Variants in FBLN5 observed in about 807,000 individuals in gnomAD.
FBLN5 encodes the protein fibulin 5, also known as fibulin-5.
Under a neutral mutation model 61.6 loss-of-function variants are expected in FBLN5, and 24 were observed. That is an observed-to-expected ratio of 0.39 (90% CI 0.28 to 0.55). FBLN5 has a LOEUF of 0.55. Among genes scored for constraint, FBLN5 ranks in the 20% least tolerant of loss-of-function variants. The pLI, the probability that FBLN5 is intolerant of heterozygous loss-of-function variation, is 0.65. For synonymous variants in FBLN5, 213 were observed against 219.8 expected (o/e 0.97, Z 0.27); for missense variants, 470 against 594.1 (o/e 0.79, Z 2.17).
chr14:91,943,892 G>A lies in FBLN5; in HGVS notation c.18-931C>T, dbSNP rs901020873. ...GCACAGCCCAGGGAAAATGAAACCCGCGGGAAAACAGGAGGAGGAGTCACG... is the reference window on the plus strand; with the variant it reads ...GCACAGCCCAGGGAAAATGAAACCCACGGGAAAACAGGAGGAGGAGTCACG... On this transcript the variant is annotated intron_variant, in intron 1 of 10. Transcript: ENST00000342058. This position sits in a 1 kb window ranked among gnomAD's most constrained non-coding sequence, Gnocchi z 4.0. Among the ~76,000 whole-genome samples, 9 of 152,154 alleles carry A rather than the reference G, an allele frequency of 5.9e-5. No individual in the cohort carries two copies. The highest frequency in any genetic ancestry group is 1.7e-4 in the African/African-American group (7 of 41,444).
chr14:91,919,731 C>G (rs557386927), intron 4 of FBLN5, among the ~76,000 whole-genome samples: 74 of 152,326 alleles, frequency 4.9e-4, no homozygotes, highest in African/African-American at 1.7e-3. Context: ...AGACACAGGG[C>G]CAGCTATAAG....
intron 7 of FBLN5, among the ~76,000 whole-genome samples, chr14:91,885,847 G>T (rs1037017491): frequency 6.6e-5 from 10 of 152,142 alleles, no homozygotes; most frequent in Non-Finnish European, 5.9e-5. Flanking sequence ...TAGTTCCTTG[G>T]CCCCAACTCC....
intron 4 of FBLN5, among the ~76,000 whole-genome samples, chr14:91,901,867 A>C (rs1890465694): frequency 6.6e-6 from 1 of 152,226 alleles, no homozygotes; most frequent in African/African-American, 2.4e-5. Context: ...TTTCCAAACA[A>C]CAAAATATCC....
intron 1 of FBLN5, chr14:91,946,685 T>G: frequency 6.6e-7 from 1 of 1,521,704 alleles, no homozygotes; most frequent in South Asian, 1.2e-5. Flanking sequence ...GCAATTTCCT[T>G]AAAGAATAGC....
intron 5 of FBLN5, 83 bp downstream of exon 5, chr14:91,894,865 GCA>G: frequency 9.2e-7 from 1 of 1,082,944 alleles, no homozygotes; most frequent in Non-Finnish European, 1.3e-6. Context: ...CTACCCTCAG[GCA>G]GCCAGCTATG....
chr14:91,933,935 C>A (rs2055969854), intron 4 of FBLN5, among the ~76,000 whole-genome samples: 1 of 152,036 alleles, frequency 6.6e-6, no homozygotes, highest in African/African-American at 2.4e-5. Context: ...CATGGCAAAA[C>A]CCTGTCTCTA....
chr14:91,922,171 T>C (rs560139995), intron 4 of FBLN5, among the ~76,000 whole-genome samples: 1 of 151,942 alleles, frequency 6.6e-6, no homozygotes, highest in Non-Finnish European at 1.5e-5. Context: ...CAGGTGCCTG[T>C]AATCCCAGTT....
chr14:91,902,128 A>T (rs1890476307), intron 4 of FBLN5, among the ~76,000 whole-genome samples: 1 of 152,226 alleles, frequency 6.6e-6, no homozygotes, highest in African/African-American at 2.4e-5. Context: ...GAATTGGCCA[A>T]GCCCATTCAA....
chr14:91,901,692 G>A (rs1029284903), intron 4 of FBLN5, among the ~76,000 whole-genome samples: 1 of 152,118 alleles, frequency 6.6e-6, no homozygotes, highest in Non-Finnish European at 1.5e-5. Flanking sequence ...ACTCGCTGTC[G>A]AATTCCTAGG....
rs1230643704 is a variant in FBLN5, at chr14:91,877,632, G to T, written c.1040C>A (p.Thr347Asn). 6.2e-7 allele frequency: 1 copy of T among 1,614,054 alleles called. No individual in the cohort carries two copies. The highest frequency in any genetic ancestry group is 8.5e-7 in the Non-Finnish European group (1 of 1,180,032). The change falls in exon 10 of 11, where the codon ACC (threonine) becomes AAC (asparagine). Residue 347 changes from threonine (T) to asparagine (N), a missense_variant. By Grantham distance (65) the Thr-to-Asn change is moderately conservative. Transcript: ENST00000342058. The stretch of plus-strand genomic sequence containing the variant: ...CACGTCCATGTCCCGGTACAAGATG[G>T]TAAAGGGCTGGTCTCTGCAGCCAGG... ...ENPGCRDQPF[T>N]ILYRDMDVVS...
intron 7 of FBLN5, 93 bp from the exon 8 acceptor site, chr14:91,883,169 GATAC>G (rs1361613249): frequency 3.5e-6 from 5 of 1,423,282 alleles, no homozygotes; most frequent in Non-Finnish European, 3.9e-6. Flanking sequence ...ACACTGTCTT[GATAC>G]ATACAATGGC....
intron 3 of FBLN5, chr14:91,939,868 T>C: frequency 2.3e-6 from 1 of 438,442 alleles, no homozygotes. Flanking sequence ...GGGGAGGTTA[T>C]CCTGGATTTT....
chr14:91,920,599 ATTTC>A (rs1251265886), intron 4 of FBLN5, among the ~76,000 whole-genome samples: 1 of 152,106 alleles, frequency 6.6e-6, no homozygotes, highest in East Asian at 1.9e-4. Context: ...TATCCTCCAG[ATTTC>A]TCAACCAAAC....
intron 6 of FBLN5, among the ~76,000 whole-genome samples, chr14:91,888,231 T>A (rs1889818753): frequency 1.3e-5 from 2 of 151,838 alleles, no homozygotes; most frequent in Admixed American, 1.3e-4. Flanking sequence ...CCTGGGAGAT[T>A]GAGGCTGCAG....
At chr14:91,913,782 C>A (rs1358927561) in intron 4 of FBLN5, among the ~76,000 whole-genome samples, 1 of 152,160 alleles carries the variant, frequency 6.6e-6, no homozygotes, top group Non-Finnish European at 1.5e-5. Context: ...GACCCTATGT[C>A]CTGATGACAA....
intron 4 of FBLN5, among the ~76,000 whole-genome samples, chr14:91,905,825 G>T (rs530017677): frequency 6.6e-6 from 1 of 151,948 alleles, no homozygotes; most frequent in Non-Finnish European, 1.5e-5. Flanking sequence ...TGATCTGCCC[G>T]CCTCGACCTC....
chr14:91,947,075 A>C lies in FBLN5; in HGVS notation c.17+138T>G. ...GGCGCAGCTTTTTATAATTAACAAT[A>C]TCATTGCATCACTAGCTCATGCCTT... is the stretch of plus-strand genomic sequence containing the variant. On this transcript the variant is annotated intron_variant, in intron 1 of 10. Transcript: ENST00000342058. This position sits in a 1 kb window ranked among gnomAD's most constrained non-coding sequence, Gnocchi z 4.3. 1 of 1,537,178 alleles carries C rather than the reference A, an allele frequency of 6.5e-7. No individual in the cohort carries two copies. Among genetic ancestry groups the C allele is most frequent in the South Asian group, 1.2e-5 (1 of 84,314 alleles).
intron 5 of FBLN5, among the ~76,000 whole-genome samples, chr14:91,894,690 C>G (rs191719790): frequency 6.6e-6 from 1 of 152,314 alleles, no homozygotes; most frequent in East Asian, 1.9e-4. Flanking sequence ...CCATTGCACT[C>G]CAGCCTGGGG....
chr14:91,925,660 C>T (rs1418421362), intron 4 of FBLN5, among the ~76,000 whole-genome samples: 2 of 152,222 alleles, frequency 1.3e-5, no homozygotes, highest in Admixed American at 6.5e-5. Context: ...CCTCCCACAG[C>T]GTTTCCCCTT....
Sources: allele counts gnomAD v4.1 joint callset (sites outside exome capture counted in the v4.1 genomes callset), GRCh38; gene constraint gnomAD v4.1.1; non-coding constraint Gnocchi (gnomAD v3.1); transcripts MANE v1.5; gene names NCBI Gene and HGNC (gene_info 2026-07-23, HGNC 2026-07-21).